FBRS: variants seen among roughly 807,000 people sequenced by gnomAD.
FBRS encodes probable fibrosin-1.
FBRS carries 15 observed loss-of-function variants against 86.1 expected under a neutral mutation model. The observed-to-expected ratio is 0.17, with a 90% CI of 0.12 to 0.27. The LOEUF (loss-of-function observed/expected upper bound fraction) is 0.27, where lower values mean the gene tolerates loss of function less well. Among genes scored for constraint, FBRS ranks in the 10% least tolerant of loss-of-function variants. The pLI is 1.00. For synonymous variants in FBRS, 666 were observed against 575.8 expected, an observed-to-expected ratio of 1.16 and a Z score of -2.24; for missense variants, 1,367 against 1,301.6, an observed-to-expected ratio of 1.05 and a Z score of -0.77.
chr16:30,669,222 C>T lies in FBRS; in HGVS notation c.2520C>T (p.Ala840=), dbSNP rs533478953. The stretch of plus-strand genomic sequence containing the variant: ...CCGCCGCCGCTGCCGCTGCTGCTGC[C>T]GCCGCCGCTGCCGCCGCCGCAGCAG... The part of the protein sequence containing the change: ...EAAAAAAAAA[A]AAAAAAAAAT... The change falls in exon 18 of 18, where the codon GCC becomes GCT. Residue 840 remains alanine (A), a synonymous_variant. Coordinates refer to ENST00000356166, the MANE Select transcript of FBRS (RefSeq NM_001105079.3). This position sits in a 1 kb window ranked among gnomAD's most constrained non-coding sequence, Gnocchi z 5.9. 2.3e-4 allele frequency: 350 copies of T among 1,543,538 alleles called. 1 individual carries two copies. The African/African-American group carries it at 3.4e-3, about 15-fold the overall frequency.
Position 30,668,563 on chromosome 16 carries a change from C to T in FBRS, c.2078C>T (p.Pro693Leu). The change falls in exon 16 of 18, where the codon CCC (proline) becomes CTC (leucine). Residue 693 changes from proline to leucine, a missense_variant. Around this residue, in one of 3 missense-constraint regions of FBRS, gnomAD observed 659 missense variants for 678.8 expected, o/e 0.97. Coordinates refer to ENST00000356166, the MANE Select transcript of FBRS (RefSeq NM_001105079.3). ...CCACCCCCCTTTCCTCCCACAGATC[C>T]CTTTGGGCGTCCCACAAGCTTCGCC... is the stretch of plus-strand genomic sequence containing the variant. ...PFLSPSTHID[P>L]FGRPTSFASL... 1 of 1,611,926 alleles carries T rather than the reference C, an allele frequency of 6.2e-7. No homozygotes were observed. Among genetic ancestry groups the T allele is most frequent in the Non-Finnish European group, 8.5e-7 (1 of 1,178,818 alleles).
rs918898676 is a variant in FBRS at position 30,665,794 on chromosome 16, C to T, written c.1773+88C>T. 1.6e-6 allele frequency: 2 copies of T among 1,288,714 alleles called. No individual in the cohort carries two copies. Among genetic ancestry groups the T allele is most frequent in the Admixed American group, 4.3e-5 (2 of 47,054 alleles). 79.8% of individuals were successfully genotyped at this position (1,288,714 alleles called of 1,614,324 possible). Reference sequence around the variant, plus strand: ...ACTTGAGGAGAGTGAACTGCTGATTCCTCCCTTGAATTCACAATCGGGTGT... The same window carrying T: ...ACTTGAGGAGAGTGAACTGCTGATTTCTCCCTTGAATTCACAATCGGGTGT... On this transcript the variant is annotated intron_variant, in intron 11 of 17. Transcript: ENST00000356166. This position sits in a 1 kb window ranked among gnomAD's most constrained non-coding sequence, Gnocchi z 4.1.
At position 30,669,758 on chromosome 16, in the gene FBRS, C is replaced by T; in HGVS notation, c.*113C>T. ...GCAAAGGTCATAACCTCACCAGCCA[C>T]CTCTGAGGTCATGGAACCTGGGAAC... On this transcript the variant is annotated 3_prime_UTR_variant, in exon 18 of 18. Coordinates refer to ENST00000356166, the MANE Select transcript of FBRS (RefSeq NM_001105079.3). This position sits in a 1 kb window ranked among gnomAD's most constrained non-coding sequence, Gnocchi z 5.9. 7.6e-7 allele frequency: 1 copy of T among 1,316,106 alleles called. No individual in the cohort carries two copies. Among genetic ancestry groups the T allele is most frequent in the South Asian group, 1.5e-5 (1 of 65,920 alleles). The allele number at this position is 1,316,106 out of a possible 1,614,324, so 81.5% of individuals were successfully genotyped here. A position where few individuals can be genotyped will look rare whatever the true frequency, so the allele number is the denominator to read the frequency against.
chr16:30,669,240 C>T lies in FBRS; in HGVS notation c.2538C>T (p.Ala846=), dbSNP rs3747483. 863 of 1,551,962 alleles carry T rather than the reference C, an allele frequency of 5.6e-4. 23 individuals carry two copies. In the East Asian group the frequency reaches 0.02, roughly 36 times the overall value. The part of the protein sequence containing the change: ...AAAAAAAAAA[A]AAATGPQGLH... ...CTGCTGCCGCCGCCGCTGCCGCCGCCGCAGCAGCCACTGGGCCCCAGGGCC... is the reference window on the plus strand; with the variant it reads ...CTGCTGCCGCCGCCGCTGCCGCCGCTGCAGCAGCCACTGGGCCCCAGGGCC... Residue 846 remains alanine (A), a synonymous_variant, in exon 18 of 18, where the codon GCC becomes GCT. Coordinates refer to ENST00000356166, the MANE Select transcript of FBRS (RefSeq NM_001105079.3). This position sits in a 1 kb window ranked among gnomAD's most constrained non-coding sequence, Gnocchi z 5.9.
chr16:30,662,977 G>A (rs1046770573), intron 6 of FBRS, 118 bp downstream of exon 6: 2 of 1,325,862 alleles, frequency 1.5e-6, no homozygotes, highest in Admixed American at 3.7e-5. Context: ...TGAAAAGTTT[G>A]AGAAAAACAA....
rs2052421523 is a variant in FBRS at position 30,659,135 on chromosome 16, T to A, written c.-384T>A. 1 of 152,386 alleles carries A rather than the reference T, an allele frequency of 6.6e-6. No individual in the cohort carries two copies. The highest frequency in any genetic ancestry group is 1.5e-5 in the Non-Finnish European group (1 of 68,198). The allele number at this position is 152,386 out of a possible 1,614,324, so 9.4% of individuals were successfully genotyped here. A position where few individuals can be genotyped will look rare whatever the true frequency, so the allele number is the denominator to read the frequency against. On this transcript the variant is annotated 5_prime_UTR_variant, in exon 1 of 18. Transcript: ENST00000356166. The stretch of plus-strand genomic sequence containing the variant: ...CGGCCCCTTTTAAAGGGGTGGCCCT[T>A]CCTCTTCCTCGGGGAGACTTGCATC...
At position 30,666,335 on chromosome 16, in the gene FBRS, G is replaced by T. The variant is rs574523202; in HGVS notation, c.1774-177G>T. 37 of 740,292 alleles carry T rather than the reference G, an allele frequency of 5.0e-5. No individual in the cohort carries two copies. In the East Asian group the frequency reaches 1.0e-3, roughly 20 times the overall value. 45.9% of individuals were successfully genotyped at this position (740,292 alleles called of 1,614,324 possible). A position where few individuals can be genotyped will look rare whatever the true frequency, so the allele number is the denominator to read the frequency against. The stretch of plus-strand genomic sequence containing the variant: ...CTTGGTTCAGAAACCTTGTGCTGGA[G>T]GAGAGATGCCTAGACTGGGAGAGAT... On this transcript the variant is annotated intron_variant, in intron 11 of 17. Coordinates refer to ENST00000356166, the MANE Select transcript of FBRS (RefSeq NM_001105079.3).
At chr16:30,662,316 C>T (rs1393783223) in intron 4 of FBRS, 104 bp from the exon 5 acceptor site, 27 of 1,500,206 alleles carry the variant, frequency 1.8e-5, no homozygotes, top group Non-Finnish European at 2.2e-5. Context: ...AACAGACTTG[C>T]CACTACCACC....
chr16:30,668,176 C>T (rs2052544501), intron 15 of FBRS: 2 of 229,232 alleles, frequency 8.7e-6, no homozygotes, highest in Admixed American at 5.2e-5. Flanking sequence ...TGCTGCGGAG[C>T]GGAGATCTGC....
chr16:30,666,453 G>A (rs1222340473), intron 11 of FBRS, 59 bp from the exon 12 acceptor site: 5 of 1,610,418 alleles, frequency 3.1e-6, no homozygotes. Flanking sequence ...GGAGATGCGA[G>A]GCGCCTGGCC....
At chr16:30,661,662 A>G (rs2052463257) in intron 4 of FBRS, among the ~76,000 whole-genome samples, 1 of 152,124 alleles carries the variant, frequency 6.6e-6, no homozygotes. Context: ...CCCATCTTAG[A>G]ATGAAGATCT....
Position 30,665,785 on chromosome 16 carries a change from C to T in FBRS, c.1773+79C>T, listed in dbSNP as rs2052516216. The T allele has an allele frequency of 4.5e-6, 6 of 1,330,260 alleles. No individual in the cohort carries two copies. Among genetic ancestry groups the T allele is most frequent in the Non-Finnish European group, 5.2e-6 (5 of 953,792 alleles). 82.4% of individuals were successfully genotyped at this position (1,330,260 alleles called of 1,614,324 possible). A position where few individuals can be genotyped will look rare whatever the true frequency, so the allele number is the denominator to read the frequency against. Reference sequence around the variant, plus strand: ...ACAGAACTGACTTGAGGAGAGTGAACTGCTGATTCCTCCCTTGAATTCACA... The same window carrying T: ...ACAGAACTGACTTGAGGAGAGTGAATTGCTGATTCCTCCCTTGAATTCACA... On this transcript the variant is annotated intron_variant, in intron 11 of 17. Transcript: ENST00000356166. This position sits in a 1 kb window ranked among gnomAD's most constrained non-coding sequence, Gnocchi z 4.1.
In FBRS at chr16:30,669,028, C is replaced by A; in HGVS notation, c.2367-41C>A. 1 of 1,370,152 alleles carries A rather than the reference C, an allele frequency of 7.3e-7. No homozygotes were observed. Among genetic ancestry groups the A allele is most frequent in the Non-Finnish European group, 9.7e-7 (1 of 1,028,762 alleles). The allele number at this position is 1,370,152 out of a possible 1,614,324, so 84.9% of individuals were successfully genotyped here. A position where few individuals can be genotyped will look rare whatever the true frequency, so the allele number is the denominator to read the frequency against. ...CCTGCCCCACCCTCAGCCCCTGCTG[C>A]CCCTGGAGAACTTCATTCTCTCCCC... On this transcript the variant is annotated intron_variant, in intron 17 of 17. Coordinates refer to ENST00000356166, the MANE Select transcript of FBRS (RefSeq NM_001105079.3). This position sits in a 1 kb window ranked among gnomAD's most constrained non-coding sequence, Gnocchi z 5.9.
intron 4 of FBRS, 88 bp from the exon 5 acceptor site, chr16:30,662,332 C>G (rs2052471549): frequency 6.5e-7 from 1 of 1,539,274 alleles, no homozygotes; most frequent in Admixed American, 2.0e-5. Context: ...CCACCAGTTC[C>G]TAGCAGCCTC....
intron 16 of FBRS, 41 bp from the exon 17 acceptor site, chr16:30,668,731 A>G: frequency 6.3e-7 from 1 of 1,584,544 alleles, no homozygotes. Flanking sequence ...AGGGCCTCCC[A>G]CTTCTGGCCC....
chr16:30,664,269 C>T lies in FBRS; in HGVS notation c.1110C>T (p.Pro370=), dbSNP rs1449010911. The T allele has an allele frequency of 4.0e-6, 6 of 1,496,616 alleles. No homozygotes were observed. Among genetic ancestry groups the T allele is most frequent in the East Asian group, 5.1e-5 (2 of 39,108 alleles). 92.7% of individuals were successfully genotyped at this position (1,496,616 alleles called of 1,614,324 possible). A position where few individuals can be genotyped will look rare whatever the true frequency, so the allele number is the denominator to read the frequency against. The change falls in exon 7 of 18, where the codon CCC becomes CCT. Residue 370 remains proline, a synonymous_variant. Transcript: ENST00000356166. ...CCCCTCCCGTGGCTCAGCCTCCCCC[C>T]TCATCATCCTCTTCGTCCTCCTCCT... is the stretch of plus-strand genomic sequence containing the variant. The part of the protein sequence containing the change: ...APAPPVAQPP[P]SSSSSSSSSS...
In FBRS at chr16:30,665,721, G is replaced by C; in HGVS notation, c.1773+15G>C. Reference sequence around the variant, plus strand: ...AGGGGACACAGGTGAGGGGGCCAGGGCAGGTCCTGGGGGAGCTGGAAGGTG... The same window carrying C: ...AGGGGACACAGGTGAGGGGGCCAGGCCAGGTCCTGGGGGAGCTGGAAGGTG... On this transcript the variant is annotated intron_variant, in intron 11 of 17. Transcript: ENST00000356166. The surrounding 1 kb of genome is among the most constrained non-coding windows in gnomAD (Gnocchi z 4.1). 1.3e-6 allele frequency: 2 copies of C among 1,568,858 alleles called. No homozygotes were observed. The highest frequency in any genetic ancestry group is 1.7e-4 in the Middle Eastern group (1 of 6,000).
At position 30,668,987 on chromosome 16, in the gene FBRS, T is replaced by TGGCCCCCCCCCCCCCCCCCC; in HGVS notation, c.2366+8_2366+9insGGCCCCCCCCCCCCCCCCCC. The TGGCCCCCCCCCCCCCCCCCC allele has an allele frequency of 2.7e-6, 4 of 1,481,118 alleles. No individual in the cohort carries two copies. The highest frequency in any genetic ancestry group is 2.4e-5 in the East Asian group (1 of 40,920). 91.7% of individuals were successfully genotyped at this position (1,481,118 alleles called of 1,614,324 possible). ...CAAGGAGGAGAAGGACAGGTGTGCC[T>TGGCCCCCCCCCCCCCCCCCC]CCCACCCACCCTGCCCCTGCCCCAC... is the stretch of plus-strand genomic sequence containing the variant. On this transcript the variant is annotated intron_variant, in intron 17 of 17. Transcript: ENST00000356166.
rs2052580796 is a variant in FBRS, at chr16:30,670,237, A to G, written c.*592A>G. Reference sequence around the variant, plus strand: ...CCTCTCTGTGGGGAAAGGGGACTGCAGGGGGAAGAGCCGGGAAGGGACAGT... The same window carrying G: ...CCTCTCTGTGGGGAAAGGGGACTGCGGGGGGAAGAGCCGGGAAGGGACAGT... On this transcript the variant is annotated 3_prime_UTR_variant, in exon 18 of 18. Coordinates refer to ENST00000356166, the MANE Select transcript of FBRS (RefSeq NM_001105079.3). The G allele has an allele frequency of 2.2e-6, 1 of 457,116 alleles. No individual in the cohort carries two copies. The highest frequency in any genetic ancestry group is 2.0e-5 in the African/African-American group (1 of 49,978). 28.3% of individuals were successfully genotyped at this position (457,116 alleles called of 1,614,324 possible). A position where few individuals can be genotyped will look rare whatever the true frequency, so the allele number is the denominator to read the frequency against.
Sources: gnomAD v4.1 joint callset for allele counts (sites outside exome capture counted in the v4.1 genomes callset) on GRCh38, gnomAD v4.1.1 for gene constraint, gnomAD v4.1.1 regional missense constraint, Gnocchi (gnomAD v3.1) non-coding constraint, MANE v1.5 for transcripts, NCBI Gene and HGNC (gene_info 2026-07-23, HGNC 2026-07-21) for gene names.